Variants in CTDSPL observed in about 807,000 individuals in gnomAD.
The protein encoded by CTDSPL is CTD small phosphatase-like protein.
CTDSPL carries 8 observed loss-of-function variants against 30.5 expected under a neutral mutation model. The observed-to-expected ratio is 0.26, with a 90% confidence interval of 0.15 to 0.47. CTDSPL has a LOEUF of 0.47. CTDSPL is among the 20% of genes least tolerant of loss of function. The pLI, the probability that CTDSPL is intolerant of heterozygous loss-of-function variation, is 0.99. For synonymous variants in CTDSPL, 110 were observed against 137.9 expected (o/e 0.80, Z 1.42); for missense variants, 248 against 366.1 (o/e 0.68, Z 2.63).
intron 2 of CTDSPL, chr3:37,954,362 A>G (rs887203756): frequency 9.9e-5 from 15 of 152,236 alleles, no homozygotes; most frequent in African/African-American, 2.9e-4. Flanking sequence ...TTTCCATAAC[A>G]CTTGACTAGT....
chr3:37,924,654 C>T (rs1010760196), intron 1 of CTDSPL, among the ~76,000 whole-genome samples: 1 of 152,146 alleles, frequency 6.6e-6, no homozygotes, highest in East Asian at 1.9e-4. Context: ...GTGGAATGCA[C>T]GTGGTTTGGG....
chr3:37,941,830 T>C (rs1698982312), intron 1 of CTDSPL, among the ~76,000 whole-genome samples: 1 of 150,434 alleles, frequency 6.6e-6, no homozygotes, highest in African/African-American at 2.4e-5. Flanking sequence ...CTGGGTCAGC[T>C]AGCCACCTCT....
chr3:37,870,379 T>C (rs1016444265), intron 1 of CTDSPL, among the ~76,000 whole-genome samples: 16 of 152,146 alleles, frequency 1.1e-4, no homozygotes. Flanking sequence ...TATTACCTTT[T>C]TGATGCCTGC....
intron 6 of CTDSPL, among the ~76,000 whole-genome samples, chr3:37,974,780 T>C (rs1036974980): frequency 6.6e-6 from 1 of 152,154 alleles, no homozygotes; most frequent in African/African-American, 2.4e-5. Context: ...CTGGGCACCA[T>C]CCTGTCACTC....
intron 1 of CTDSPL, among the ~76,000 whole-genome samples, chr3:37,933,972 A>G (rs770218546): frequency 2.0e-5 from 3 of 152,216 alleles, no homozygotes; most frequent in Non-Finnish European, 4.4e-5. Context: ...AACAACATAA[A>G]TGTCCAAAGT....
intron 1 of CTDSPL, among the ~76,000 whole-genome samples, chr3:37,920,952 C>T (rs1698706102): frequency 6.6e-6 from 1 of 152,212 alleles, no homozygotes; most frequent in African/African-American, 2.4e-5. Flanking sequence ...GGCCAGGGTC[C>T]AGCCCATCCC....
chr3:37,933,163 A>C (rs1278990951), intron 1 of CTDSPL, among the ~76,000 whole-genome samples: 1 of 152,060 alleles, frequency 6.6e-6, no homozygotes, highest in South Asian at 2.1e-4. Flanking sequence ...TCAAGAAAAA[A>C]AAAAAAAAAA....
chr3:37,923,376 T>C (rs1245861514), intron 1 of CTDSPL, among the ~76,000 whole-genome samples: 1 of 152,206 alleles, frequency 6.6e-6, no homozygotes, highest in Admixed American at 6.5e-5. Context: ...AGAACTGCCA[T>C]CCCAACTGAT....
chr3:37,970,929 G>A (rs775317174), intron 5 of CTDSPL, among the ~76,000 whole-genome samples: 2 of 152,194 alleles, frequency 1.3e-5, no homozygotes, highest in Admixed American at 6.5e-5. Context: ...TAGTAAGGGG[G>A]ATGTCCATCC....
At chr3:37,973,777 G>C (rs1237129930) in intron 6 of CTDSPL, among the ~76,000 whole-genome samples, 4 of 152,232 alleles carry the variant, frequency 2.6e-5, no homozygotes, top group Non-Finnish European at 4.4e-5. Context: ...ACTAAATACT[G>C]GGGATATAGC....
chr3:37,934,157 A>C (rs748853015), intron 1 of CTDSPL, among the ~76,000 whole-genome samples: 6 of 151,958 alleles, frequency 3.9e-5, no homozygotes, highest in Non-Finnish European at 7.4e-5. Flanking sequence ...CCCTCTCTCT[A>C]CAAAAAAAAA....
chr3:37,891,010 G>GTA (rs1698319415), intron 1 of CTDSPL, among the ~76,000 whole-genome samples: 3 of 152,168 alleles, frequency 2.0e-5, no homozygotes, highest in Admixed American at 2.0e-4. Context: ...AGCTTGCCTA[G>GTA]TATGACACAA....
intron 1 of CTDSPL, among the ~76,000 whole-genome samples, chr3:37,945,991 G>C (rs1699032517): frequency 1.3e-5 from 2 of 152,168 alleles, no homozygotes; most frequent in African/African-American, 4.8e-5. Context: ...ATTGCTTTTT[G>C]GGAGAAGAGA....
intron 7 of CTDSPL, among the ~76,000 whole-genome samples, chr3:37,977,571 T>A (rs969865425): frequency 6.6e-6 from 1 of 151,144 alleles, no homozygotes; most frequent in African/African-American, 2.4e-5. Flanking sequence ...TTGATTAGAT[T>A]CGATTTTTTT....
intron 1 of CTDSPL, among the ~76,000 whole-genome samples, chr3:37,865,758 A>G (rs539342006): frequency 2.0e-5 from 3 of 152,286 alleles, no homozygotes; most frequent in African/African-American, 7.2e-5. Context: ...TAGGGCTGGA[A>G]AAAGAGTGCC....
At chr3:37,893,754 G>A (rs1222517808) in intron 1 of CTDSPL, among the ~76,000 whole-genome samples, 1 of 152,174 alleles carries the variant, frequency 6.6e-6, no homozygotes, top group Non-Finnish European at 1.5e-5. Flanking sequence ...AGCCAGGGCG[G>A]TATAGACCAG....
intron 1 of CTDSPL, among the ~76,000 whole-genome samples, chr3:37,903,177 G>A (rs1306998823): frequency 2.6e-5 from 4 of 152,182 alleles, no homozygotes; most frequent in Non-Finnish European, 4.4e-5. Context: ...AAAGATGGAG[G>A]AGAGGACTTG....
At chr3:37,940,821 T>C (rs561088770) in intron 1 of CTDSPL, among the ~76,000 whole-genome samples, 1 of 150,388 alleles carries the variant, frequency 6.6e-6, no homozygotes, top group South Asian at 2.2e-4. Flanking sequence ...GCAAAAAATG[T>C]CAGATGTCCA....
chr3:37,931,671 A>G (rs182385759), intron 1 of CTDSPL, among the ~76,000 whole-genome samples: 7 of 151,584 alleles, frequency 4.6e-5, no homozygotes, highest in East Asian at 3.9e-4. Flanking sequence ...TTTATCTCCT[A>G]TAGGTATTTT....
Sources: allele counts gnomAD v4.1 joint callset (sites outside exome capture counted in the v4.1 genomes callset), GRCh38; gene constraint gnomAD v4.1.1; transcripts MANE v1.5; gene names NCBI Gene and HGNC (gene_info 2026-07-23, HGNC 2026-07-21).